MSRB3: variants seen among roughly 807,000 people sequenced by gnomAD.
The protein encoded by MSRB3 is methionine-R-sulfoxide reductase B3.
A neutral mutation model predicts 21.0 loss-of-function variants in MSRB3; 13 were observed. The ratio of observed to expected loss-of-function variants is 0.62; its 90% confidence interval spans 0.40 to 0.98. MSRB3 has a LOEUF of 0.98. MSRB3 is among the 50% of genes least tolerant of loss of function. The probability of loss-of-function intolerance (pLI) is 0.00; values close to 1 mark genes in which losing one functional copy is unlikely to be tolerated. For missense variants in MSRB3, 199 were observed against 230.3 expected (o/e 0.86, Z 0.88); for synonymous variants, 87 against 88.6 (o/e 0.98, Z 0.10).
chr12:65,361,019 C>T (rs1368508599), intron 4 of MSRB3, among the ~76,000 whole-genome samples: 7 of 151,970 alleles, frequency 4.6e-5, no homozygotes, highest in South Asian at 2.1e-4. Context: ...ATTAAAGTTT[C>T]GCCTCACATA....
At chr12:65,365,540 G>A (rs1316096007) in intron 4 of MSRB3, among the ~76,000 whole-genome samples, 1 of 152,150 alleles carries the variant, frequency 6.6e-6, no homozygotes, top group Non-Finnish European at 1.5e-5. Context: ...GGCACTTAAT[G>A]TCGCCAGGTC....
chr12:65,401,689 A>C (rs1037266499), intron 5 of MSRB3, among the ~76,000 whole-genome samples: 4 of 152,030 alleles, frequency 2.6e-5, no homozygotes, highest in East Asian at 1.9e-4. Flanking sequence ...TAGTTGATGC[A>C]GTTTCTTCAT....
At chr12:65,413,157 T>C (rs1880805402) in intron 5 of MSRB3, among the ~76,000 whole-genome samples, 1 of 152,304 alleles carries the variant, frequency 6.6e-6, no homozygotes, top group Admixed American at 6.5e-5. Context: ...ACAGTGTCTC[T>C]TCAAATTGCT....
chr12:65,349,843 C>T (rs915286050), intron 4 of MSRB3, among the ~76,000 whole-genome samples: 8 of 151,838 alleles, frequency 5.3e-5, no homozygotes, highest in African/African-American at 1.9e-4. Flanking sequence ...CAAAAATTTT[C>T]TCCCGTTTTG....
intron 5 of MSRB3, among the ~76,000 whole-genome samples, chr12:65,436,207 A>G (rs1479152599): frequency 6.6e-6 from 1 of 151,886 alleles, no homozygotes; most frequent in Non-Finnish European, 1.5e-5. Flanking sequence ...GATATATGTT[A>G]CAGATAACCC....
intron 4 of MSRB3, among the ~76,000 whole-genome samples, chr12:65,329,858 T>C (rs1875295775): frequency 6.6e-6 from 1 of 152,220 alleles, no homozygotes; most frequent in African/African-American, 2.4e-5. Context: ...GTTTCTTACA[T>C]TGCACAAACC....
chr12:65,458,791 A>G (rs553725173), intron 6 of MSRB3, among the ~76,000 whole-genome samples: 6 of 152,210 alleles, frequency 3.9e-5, no homozygotes, highest in African/African-American at 1.4e-4. Flanking sequence ...GCCATCTTGT[A>G]ACAATTTTCA....
chr12:65,429,632 C>G (rs1881781578), intron 5 of MSRB3, among the ~76,000 whole-genome samples: 1 of 152,148 alleles, frequency 6.6e-6, no homozygotes, highest in South Asian at 2.1e-4. Context: ...CCACTGGGCC[C>G]ACTGCAATAA....
chr12:65,318,440 T>C (rs1426780992), intron 2 of MSRB3, among the ~76,000 whole-genome samples: 2 of 152,162 alleles, frequency 1.3e-5, no homozygotes, highest in African/African-American at 4.8e-5. Context: ...GAGAGCGAGC[T>C]ATTTTTTGCA....
At chr12:65,457,026 CT>C (rs984661830) in intron 6 of MSRB3, among the ~76,000 whole-genome samples, 2 of 151,938 alleles carry the variant, frequency 1.3e-5, no homozygotes, top group African/African-American at 2.4e-5. Flanking sequence ...TCTCAGGCAT[CT>C]TTTTTTACCT....
chr12:65,418,046 A>G (rs1334697305), intron 5 of MSRB3, among the ~76,000 whole-genome samples: 1 of 152,220 alleles, frequency 6.6e-6, no homozygotes, highest in African/African-American at 2.4e-5. Flanking sequence ...ATTTTTTATC[A>G]TAATGGCTGT....
chr12:65,294,490 T>A (rs1872838371), intron 1 of MSRB3, among the ~76,000 whole-genome samples: 1 of 152,220 alleles, frequency 6.6e-6, no homozygotes, highest in Non-Finnish European at 1.5e-5. Context: ...TACTTATCAT[T>A]TTGATGGGAA....
intron 5 of MSRB3, among the ~76,000 whole-genome samples, chr12:65,387,657 CT>C (rs1326665977): frequency 6.6e-6 from 1 of 152,110 alleles, no homozygotes; most frequent in Non-Finnish European, 1.5e-5. Flanking sequence ...ATAATATAAA[CT>C]CTCTGAGCTT....
In MSRB3 at chr12:65,413,851, T is replaced by C. The variant is rs142339018; in HGVS notation, c.293-39877T>C. On this transcript the variant is annotated intron_variant, in intron 5 of 6. Coordinates refer to ENST00000308259, the MANE Select transcript of MSRB3 (RefSeq NM_001031679.3). ...GACAGGGGTACAGTCACAGTTTCAA[T>C]AGGTCAGAGTAGGTCTCAGGGAGAA... 2.4e-3 allele frequency among the ~76,000 whole-genome samples: 358 copies of C among 152,108 alleles called. 1 individual carries two copies. The highest frequency in any genetic ancestry group is 3.6e-3 in the Non-Finnish European group (242 of 67,986).
At chr12:65,321,232 C>T (rs1874642147) in intron 2 of MSRB3, among the ~76,000 whole-genome samples, 1 of 152,206 alleles carries the variant, frequency 6.6e-6, no homozygotes, top group Middle Eastern at 3.4e-3. Flanking sequence ...GAAAGTAGAT[C>T]TAAGTACTTA....
chr12:65,373,469 A>C (rs1487338945), intron 5 of MSRB3, among the ~76,000 whole-genome samples: 1 of 152,180 alleles, frequency 6.6e-6, no homozygotes, highest in Admixed American at 6.5e-5. Context: ...ATGAAGTACC[A>C]AGTTAAATGG....
intron 5 of MSRB3, among the ~76,000 whole-genome samples, chr12:65,443,689 T>C (rs1882488268): frequency 6.6e-6 from 1 of 152,188 alleles, no homozygotes; most frequent in African/African-American, 2.4e-5. Flanking sequence ...TTCTGATTTT[T>C]TATTGTGGTG....
At chr12:65,315,087 C>A (rs1339929701) in intron 2 of MSRB3, among the ~76,000 whole-genome samples, 1 of 152,128 alleles carries the variant, frequency 6.6e-6, no homozygotes, top group Non-Finnish European at 1.5e-5. Context: ...TTACTATCAT[C>A]CTTTCCTAGT....
At chr12:65,363,939 A>G (rs1877855627) in intron 4 of MSRB3, among the ~76,000 whole-genome samples, 1 of 152,128 alleles carries the variant, frequency 6.6e-6, no homozygotes, top group Non-Finnish European at 1.5e-5. Flanking sequence ...TGAGCTCATA[A>G]CATGTTCCTG....
Sources: gnomAD v4.1 joint callset for allele counts (sites outside exome capture counted in the v4.1 genomes callset) on GRCh38, gnomAD v4.1.1 for gene constraint, MANE v1.5 for transcripts, NCBI Gene and HGNC (gene_info 2026-07-23, HGNC 2026-07-21) for gene names.